The following ADAT2 variants were observed in gnomAD, a reference collection of about 807,000 sequenced individuals.
ADAT2 encodes adenosine deaminase tRNA specific 2, also known as tRNA-specific adenosine-34 deaminase catalytic subunit ADAT2.
A neutral mutation model predicts 25.9 loss-of-function variants in ADAT2; 26 were observed. That is an observed-to-expected ratio of 1.00 (90% CI 0.74 to 1.39). The LOEUF is 1.39. Among genes scored for constraint, ADAT2 ranks in the 40% most tolerant of loss-of-function variants. The probability of loss-of-function intolerance (pLI) is 0.00; values close to 1 mark genes in which losing one functional copy is unlikely to be tolerated. For synonymous variants in ADAT2, 76 were observed against 86.8 expected, an observed-to-expected ratio of 0.88 and a Z score of 0.69; for missense variants, 220 against 244.8, an observed-to-expected ratio of 0.90 and a Z score of 0.68.
rs201877850 is a variant in ADAT2 at position 143,444,902 on chromosome 6, T to C, written c.96+5661A>G. The C allele has an allele frequency of 2.9e-4, 374 of 1,294,042 alleles. 3 individuals carry two copies. The highest frequency in any genetic ancestry group is 2.8e-3 in the Admixed American group (118 of 42,824). The allele number at this position is 1,294,042 out of a possible 1,614,324, so 80.2% of individuals were successfully genotyped here. On this transcript the variant is annotated intron_variant, in intron 1 of 5. Transcript: ENST00000237283. The surrounding 1 kb of genome is among the most constrained non-coding windows in gnomAD (Gnocchi z 4.3). Reference sequence around the variant, plus strand: ...AAACTGCTTTCTAGTGATGTCATGATAAAAGGGGGAGAGATGGAAACAGAC... The same window carrying C: ...AAACTGCTTTCTAGTGATGTCATGACAAAAGGGGGAGAGATGGAAACAGAC...
chr6:143,443,125 G>A (rs192117095), intron 1 of ADAT2, among the ~76,000 whole-genome samples: 5 of 149,642 alleles, frequency 3.3e-5, no homozygotes, highest in African/African-American at 9.9e-5. Context: ...CCATTTTACA[G>A]ATGAGGAAAC....
Position 143,433,805 on chromosome 6 carries a change from C to A in ADAT2, c.352+26G>T, listed in dbSNP as rs753765351. On this transcript the variant is annotated intron_variant, in intron 3 of 5. Transcript: ENST00000237283. ...TCTTGTTCACACGAATGGTACGATACATTAACTCATGAAGTCAAAGGATAC... is the reference window on the plus strand; with the variant it reads ...TCTTGTTCACACGAATGGTACGATAAATTAACTCATGAAGTCAAAGGATAC... 2.5e-6 allele frequency: 4 copies of A among 1,610,620 alleles called. No homozygotes were observed. The Admixed American group carries it at 6.7e-5, about 27-fold the overall frequency.
In ADAT2 at chr6:143,426,285, A is replaced by G. The variant is rs775684634; in HGVS notation, c.*2178T>C. The G allele has an allele frequency of 6.6e-6, 1 of 152,184 alleles. No homozygotes were observed. The highest frequency in any genetic ancestry group is 1.5e-5 in the Non-Finnish European group (1 of 68,038). 9.4% of individuals were successfully genotyped at this position (152,184 alleles called of 1,614,324 possible). A position where few individuals can be genotyped will look rare whatever the true frequency, so the allele number is the denominator to read the frequency against. On this transcript the variant is annotated 3_prime_UTR_variant, in exon 6 of 6. Transcript: ENST00000237283. The surrounding 1 kb of genome is among the most constrained non-coding windows in gnomAD (Gnocchi z 4.1). ...GTACTCAGGAAGCTGAATGACCTCA[A>G]CATATATCCATAATTCCTCACTGTC...
Position 143,450,599 on chromosome 6 carries a change from C to G in ADAT2, c.60G>C (p.Glu20Asp). 7 of 1,614,154 alleles carry G rather than the reference C, an allele frequency of 4.3e-6. No homozygotes were observed. The highest frequency in any genetic ancestry group is 1.6e-4 in the Middle Eastern group (1 of 6,062). ...AASGACSVSA[E>D]ETEKWMEEAM... The stretch of plus-strand genomic sequence containing the variant: ...CCTCCTCCATCCACTTTTCGGTCTC[C>G]TCTGCCGACACCGAGCACGCGCCGC... The change falls in exon 1 of 6, where the codon GAG (glutamate) becomes GAC (aspartate). Residue 20 changes from glutamate to aspartate, a missense_variant. Glu to Asp is a conservative substitution (Grantham distance 45). Transcript: ENST00000237283.
At chr6:143,429,811 G>C (rs1779054083) in intron 4 of ADAT2, among the ~76,000 whole-genome samples, 1 of 152,204 alleles carries the variant, frequency 6.6e-6, no homozygotes, top group Non-Finnish European at 1.5e-5. Context: ...ATGCTGTTCA[G>C]AACGAACCTC....
Position 143,432,520 on chromosome 6 carries a change from A to G in ADAT2, c.444T>C (p.Thr148=), listed in dbSNP as rs552569910. 1 of 1,614,140 alleles carries G rather than the reference A, an allele frequency of 6.2e-7. No individual in the cohort carries two copies. Among genetic ancestry groups the G allele is most frequent in the Non-Finnish European group, 8.5e-7 (1 of 1,179,958 alleles). ...TTTGTATTACCTGAAATGGTCTCCC[A>G]GTGTTTGGTAGGTCAGCAGAGGCAA... ...LNIASADLPN[T]GRPFQCIPGY... is the part of the protein sequence containing the mutation. Residue 148 remains threonine, a synonymous_variant, in exon 4 of 6, where the codon ACT becomes ACC. Coordinates refer to ENST00000237283, the MANE Select transcript of ADAT2 (RefSeq NM_182503.3). The surrounding 1 kb of genome is among the most constrained non-coding windows in gnomAD (Gnocchi z 4.4).
chr6:143,450,415 C>T, intron 1 of ADAT2, 148 bp downstream of exon 1: 1 of 813,590 alleles, frequency 1.2e-6, no homozygotes, highest in Non-Finnish European at 2.0e-6. Flanking sequence ...CAGAAAGTTT[C>T]GAGGCAGTAA....
rs936790865 is a variant in ADAT2, at chr6:143,428,272, A to G, written c.*191T>C. 2 of 627,378 alleles carry G rather than the reference A, an allele frequency of 3.2e-6. No homozygotes were observed. Among genetic ancestry groups the G allele is most frequent in the Admixed American group, 3.2e-5 (1 of 31,536 alleles). The allele number at this position is 627,378 out of a possible 1,614,324, so 38.9% of individuals were successfully genotyped here. On this transcript the variant is annotated 3_prime_UTR_variant, in exon 6 of 6. Transcript: ENST00000237283. The surrounding 1 kb of genome is among the most constrained non-coding windows in gnomAD (Gnocchi z 5.0). ...GGAATCAGCTTCTGGAAAAGCTAAT[A>G]ACTGTTTACAATTGTCAGACTTCTA...
chr6:143,437,393 T>C lies in ADAT2; in HGVS notation c.201+1197A>G, dbSNP rs1372554341. ...GTTAGATCATCTTCATGTAGCCTTA[T>C]TGGTTGTTATTTCATTTTCCTCTGT... On this transcript the variant is annotated intron_variant, in intron 2 of 5. Coordinates refer to ENST00000237283, the MANE Select transcript of ADAT2 (RefSeq NM_182503.3). The surrounding 1 kb of genome is among the most constrained non-coding windows in gnomAD (Gnocchi z 4.1). Among the ~76,000 whole-genome samples the C allele has an allele frequency of 2.0e-5, 3 of 152,220 alleles. No homozygotes were observed. The highest frequency in any genetic ancestry group is 6.5e-5 in the Admixed American group (1 of 15,278).
At chr6:143,429,014 A>C (rs1392321284) in intron 4 of ADAT2, among the ~76,000 whole-genome samples, 3 of 140,396 alleles carry the variant, frequency 2.1e-5, no homozygotes, top group Non-Finnish European at 3.2e-5. Flanking sequence ...CAATAATAGC[A>C]CTTACTTCAG....
chr6:143,429,161 T>G (rs1270409200), intron 4 of ADAT2, among the ~76,000 whole-genome samples: 1 of 151,792 alleles, frequency 6.6e-6, no homozygotes, highest in Non-Finnish European at 1.5e-5. Flanking sequence ...AGAGCTAGGG[T>G]TGGCAAATTA....
rs766732432 is a variant in ADAT2, at chr6:143,438,581, C to A, written c.201+9G>T. 3.1e-6 allele frequency: 5 copies of A among 1,599,746 alleles called. No homozygotes were observed. Among genetic ancestry groups the A allele is most frequent in the Non-Finnish European group, 4.3e-6 (5 of 1,167,380 alleles). On this transcript the variant is annotated intron_variant, in intron 2 of 5. Coordinates refer to ENST00000237283, the MANE Select transcript of ADAT2 (RefSeq NM_182503.3). ...GTATGTTTGCAATTATACTGCTCAA[C>A]TCACATACATTTTTGGTTTGGTTAA...
Position 143,440,519 on chromosome 6 carries a change from G to A in ADAT2, c.97-1825C>T, listed in dbSNP as rs1443602367. ...TCCATCTGGTTGGTGGGTCAGAGAT[G>A]GGGCATGGAGAGATGTGAGAAGACA... is the stretch of plus-strand genomic sequence containing the variant. On this transcript the variant is annotated intron_variant, in intron 1 of 5. Transcript: ENST00000237283. The surrounding 1 kb of genome is among the most constrained non-coding windows in gnomAD (Gnocchi z 4.5). Among the ~76,000 whole-genome samples the A allele has an allele frequency of 6.6e-6, 1 of 152,206 alleles. No homozygotes were observed. The highest frequency in any genetic ancestry group is 2.4e-5 in the African/African-American group (1 of 41,442).
intron 1 of ADAT2, among the ~76,000 whole-genome samples, chr6:143,447,750 C>A (rs1342179001): frequency 1.3e-5 from 2 of 151,562 alleles, no homozygotes; most frequent in African/African-American, 2.4e-5. Context: ...ATCTGCCTAG[C>A]CAAATTGTCC....
In ADAT2 at chr6:143,433,865, C is replaced by A. The variant is rs902812006; in HGVS notation, c.318G>T (p.Pro106=). ...GGAGAGCAGCTGCACACATAATGCA[C>A]GGCTCCACAGTGACATACAACACAG... The part of the protein sequence containing the change: ...EHTVLYVTVE[P]CIMCAAALRL... Residue 106 remains proline (P), a synonymous_variant, in exon 3 of 6, where the codon CCG becomes CCT. Coordinates refer to ENST00000237283, the MANE Select transcript of ADAT2 (RefSeq NM_182503.3). 1.2e-6 allele frequency: 2 copies of A among 1,614,036 alleles called. No homozygotes were observed. The highest frequency in any genetic ancestry group is 1.7e-5 in the Admixed American group (1 of 60,022).
At position 143,445,000 on chromosome 6, in the gene ADAT2, CA is replaced by C; in HGVS notation, c.96+5562del. ...AAGACAAAAAATTAGGGGGAACAAA[CA>C]AGTTAGCCAGAACTCTCAGGTAGAA... On this transcript the variant is annotated intron_variant, in intron 1 of 5. Transcript: ENST00000237283. This position sits in a 1 kb window ranked among gnomAD's most constrained non-coding sequence, Gnocchi z 4.3. The C allele has an allele frequency of 7.8e-7, 1 of 1,284,612 alleles. No individual in the cohort carries two copies. The highest frequency in any genetic ancestry group is 1.0e-6 in the Non-Finnish European group (1 of 971,922). The allele number at this position is 1,284,612 out of a possible 1,614,324, so 79.6% of individuals were successfully genotyped here.
At chr6:143,443,467 G>A (rs896819601) in intron 1 of ADAT2, among the ~76,000 whole-genome samples, 1 of 152,046 alleles carries the variant, frequency 6.6e-6, no homozygotes, top group South Asian at 2.1e-4. Flanking sequence ...GGAGTTCAAG[G>A]CTGTAGTGAG....
Position 143,428,489 on chromosome 6 carries a change from G to C in ADAT2, c.550C>G (p.Arg184Gly). 6.2e-7 allele frequency: 1 copy of C among 1,613,830 alleles called. No individual in the cohort carries two copies. Among genetic ancestry groups the C allele is most frequent in the Non-Finnish European group, 8.5e-7 (1 of 1,179,980 alleles). The change falls in exon 6 of 6, where the codon CGG (arginine) becomes GGG (glycine). Residue 184 changes from arginine (R) to glycine (G), a missense_variant. By Grantham distance (125) the Arg-to-Gly change is moderately radical. Transcript: ENST00000237283. The surrounding 1 kb of genome is among the most constrained non-coding windows in gnomAD (Gnocchi z 5.0). ...CAAGATTTCTGACATTCCTTTTTCC[G>C]AACTTTCGATTTTGGTGCTGTGAAA... ...ENPNAPKSKV[R>G]KKECQKS is the part of the protein sequence containing the mutation.
At position 143,442,589 on chromosome 6, in the gene ADAT2, T is replaced by A. The variant is rs1462191841; in HGVS notation, c.97-3895A>T. On this transcript the variant is annotated intron_variant, in intron 1 of 5. Coordinates refer to ENST00000237283, the MANE Select transcript of ADAT2 (RefSeq NM_182503.3). This position sits in a 1 kb window ranked among gnomAD's most constrained non-coding sequence, Gnocchi z 4.6. Reference sequence around the variant, plus strand: ...TTTTCCTGGTTTTGATACTGAACTATAGCTATGCAAGATGTTACCACTGAA... The same window carrying A: ...TTTTCCTGGTTTTGATACTGAACTAAAGCTATGCAAGATGTTACCACTGAA... Among the ~76,000 whole-genome samples the A allele has an allele frequency of 6.6e-6, 1 of 152,132 alleles. No individual in the cohort carries two copies. Among genetic ancestry groups the A allele is most frequent in the African/African-American group, 2.4e-5 (1 of 41,418 alleles).
Sources: allele counts gnomAD v4.1 joint callset (sites outside exome capture counted in the v4.1 genomes callset), GRCh38; gene constraint gnomAD v4.1.1; non-coding constraint Gnocchi (gnomAD v3.1); transcripts MANE v1.5; gene names NCBI Gene and HGNC (gene_info 2026-07-23, HGNC 2026-07-21).